LRRK1: variants seen among roughly 807,000 people sequenced by gnomAD.
LRRK1 encodes leucine rich repeat kinase 1, also known as leucine-rich repeat serine/threonine-protein kinase 1.
A neutral mutation model predicts 209.1 loss-of-function variants in LRRK1; 113 were observed. The ratio of observed to expected loss-of-function variants is 0.54; its 90% confidence interval spans 0.46 to 0.63. The LOEUF (loss-of-function observed/expected upper bound fraction) is 0.63. Ranked by LOEUF, LRRK1 falls within the 30% of genes least tolerant of loss-of-function variation. The pLI, the probability that LRRK1 is intolerant of heterozygous loss-of-function variation, is 0.00. For synonymous variants in LRRK1, 1,144 were observed against 1,099.7 expected, an observed-to-expected ratio of 1.04 and a Z score of -0.80; for missense variants, 2,284 against 2,632.2, an observed-to-expected ratio of 0.87 and a Z score of 2.89.
intron 20 of LRRK1, among the ~76,000 whole-genome samples, chr15:101,029,840 C>G (rs895446535): frequency 1.3e-5 from 2 of 152,156 alleles, no homozygotes; most frequent in Non-Finnish European, 2.9e-5. Context: ...TGCACTCCAG[C>G]CTTGGCAACA....
Position 101,066,647 on chromosome 15 carries a change from G to A in LRRK1, c.5776G>A (p.Gly1926Arg). The A allele has an allele frequency of 6.2e-7, 1 of 1,614,144 alleles. No individual in the cohort carries two copies. Among genetic ancestry groups the A allele is most frequent in the Non-Finnish European group, 8.5e-7 (1 of 1,179,958 alleles). Residue 1926 changes from glycine to arginine, a missense_variant, in exon 33 of 34, where the codon GGA becomes AGA. Gly to Arg is a moderately radical substitution (Grantham distance 125, BLOSUM62 -2). Transcript: ENST00000388948. The part of the protein sequence containing the change: ...RDLIWVPRRG[G>R]DVIVIGLEKD... The stretch of plus-strand genomic sequence containing the variant: ...TGGGTTTTGGTTGCTTAGGCGCGGT[G>A]GAGATGTTATCGTCATTGGCCTGGA...
intron 32 of LRRK1, among the ~76,000 whole-genome samples, chr15:101,066,420 T>G (rs2036534458): frequency 1.3e-5 from 2 of 152,246 alleles, no homozygotes; most frequent in South Asian, 4.1e-4. Context: ...GCCAGAGAGC[T>G]TAAGGTGCCA....
chr15:101,061,256 C>G lies in LRRK1; in HGVS notation c.4765C>G (p.Gln1589Glu). The change falls in exon 30 of 34, where the codon CAG becomes GAG. Residue 1589 changes from glutamine to glutamate, a missense_variant. Gln to Glu is a conservative substitution (Grantham distance 29, BLOSUM62 2). Coordinates refer to ENST00000388948, the MANE Select transcript of LRRK1 (RefSeq NM_024652.6). ...CPGMKVSCQL[Q>E]VQRSLWTATE... is the part of the protein sequence containing the mutation. ...TGGGATGAAGGTGAGCTGCCAGCTC[C>G]AGGTCCAGAGATCCCTGTGGACAGC... The G allele has an allele frequency of 6.2e-7, 1 of 1,614,118 alleles. No individual in the cohort carries two copies.
At chr15:101,031,978 C>T (rs773297951) in intron 20 of LRRK1, among the ~76,000 whole-genome samples, 7 of 152,216 alleles carry the variant, frequency 4.6e-5, no homozygotes, top group Non-Finnish European at 5.9e-5. Context: ...TCGTGATCCG[C>T]CTGCCTTGGC....
intron 10 of LRRK1, 70 bp downstream of exon 10, chr15:101,012,215 T>C: frequency 7.7e-7 from 1 of 1,306,888 alleles, no homozygotes; most frequent in Non-Finnish European, 1.1e-6. Flanking sequence ...TGCAGTGAAA[T>C]GTATGTGCTT....
At chr15:101,015,935 C>T (rs2033515952) in intron 12 of LRRK1, among the ~76,000 whole-genome samples, 1 of 151,928 alleles carries the variant, frequency 6.6e-6, no homozygotes, top group Non-Finnish European at 1.5e-5. Context: ...GCATCCTTCT[C>T]TCTATGTCCT....
intron 27 of LRRK1, among the ~76,000 whole-genome samples, chr15:101,056,144 A>T (rs1330626229): frequency 6.6e-6 from 1 of 152,248 alleles, no homozygotes; most frequent in Non-Finnish European, 1.5e-5. Context: ...TCTCCTGCTA[A>T]AATGTTATTT....
intron 3 of LRRK1, chr15:100,974,264 T>C (rs1251476933): frequency 3.4e-6 from 1 of 297,882 alleles, no homozygotes; most frequent in East Asian, 5.4e-5. Context: ...TACTCTATTC[T>C]TTTACGTTTT....
chr15:101,076,431 C>G lies in LRRK1; in HGVS notation c.*7583C>G, dbSNP rs2036989521. 1 of 151,950 alleles carries G rather than the reference C, an allele frequency of 6.6e-6. No individual in the cohort carries two copies. Among genetic ancestry groups the G allele is most frequent in the South Asian group, 2.1e-4 (1 of 4,832 alleles). 9.4% of individuals were successfully genotyped at this position (151,950 alleles called of 1,614,324 possible). A position where few individuals can be genotyped will look rare whatever the true frequency, so the allele number is the denominator to read the frequency against. ...ATTATTCCTGATACCACACCTGACC[C>G]CCATGACTGCATCTCTCTGATCCAC... On this transcript the variant is annotated 3_prime_UTR_variant, in exon 34 of 34. Transcript: ENST00000388948.
chr15:100,999,791 T>C (rs1422926504), intron 6 of LRRK1, among the ~76,000 whole-genome samples: 1 of 152,240 alleles, frequency 6.6e-6, no homozygotes, highest in Non-Finnish European at 1.5e-5. Flanking sequence ...GGTAAGTAAA[T>C]CTGACATTTC....
rs185384942 is a variant in LRRK1 at position 101,066,209 on chromosome 15, C to G, written c.5768+4C>G. The G allele has an allele frequency of 3.1e-6, 5 of 1,598,616 alleles. No homozygotes were observed. Among genetic ancestry groups the G allele is most frequent in the South Asian group, 2.2e-5 (2 of 89,172 alleles). On this transcript the variant is annotated splice_donor_region_variant and intron_variant, in intron 32 of 33. Coordinates refer to ENST00000388948, the MANE Select transcript of LRRK1 (RefSeq NM_024652.6). ...GAGACCTCATTTGGGTCCCCAGGTA[C>G]GTTTCCCGAGGTGAGGGCACCATCC...
At chr15:100,948,256 T>A (rs1264125393) in intron 2 of LRRK1, among the ~76,000 whole-genome samples, 1 of 152,124 alleles carries the variant, frequency 6.6e-6, no homozygotes, top group Non-Finnish European at 1.5e-5. Context: ...CGGCACCCCT[T>A]CCCTGCCTGC....
At chr15:101,042,958 G>A (rs1404766780) in intron 20 of LRRK1, among the ~76,000 whole-genome samples, 2 of 152,198 alleles carry the variant, frequency 1.3e-5, no homozygotes, top group Non-Finnish European at 2.9e-5. Flanking sequence ...GGGAGCACAC[G>A]AGGGGTGAGA....
chr15:101,067,420 A>AGTGT (rs2036593057), intron 33 of LRRK1: 4 of 346,952 alleles, frequency 1.2e-5, no homozygotes, highest in East Asian at 9.5e-5. Flanking sequence ...CCTCAGTTCA[A>AGTGT]ATGTGTGTGT....
chr15:101,053,280 G>T lies in LRRK1; in HGVS notation c.3914G>T (p.Arg1305Leu). The T allele has an allele frequency of 6.2e-7, 1 of 1,606,772 alleles. No individual in the cohort carries two copies. The change falls in exon 26 of 34, where the codon CGG (arginine) becomes CTG (leucine). Residue 1305 changes from arginine (R) to leucine (L), a missense_variant. Coordinates refer to ENST00000388948, the MANE Select transcript of LRRK1 (RefSeq NM_024652.6). The part of the protein sequence containing the change: ...TDAMKNFSEF[R>L]QEASMLHALQ... ...GCCATGAAGAACTTCTCCGAGTTCC[G>T]GCAGGAGGCCAGCATGCTGCACGCG...
intron 2 of LRRK1, among the ~76,000 whole-genome samples, chr15:100,950,834 T>G (rs558562665): frequency 1.3e-5 from 2 of 152,362 alleles, no homozygotes; most frequent in East Asian, 3.9e-4. Flanking sequence ...CCGGGCGCGG[T>G]GGCTCGCGCC....
At chr15:101,021,785 T>C (rs1318770392) in intron 13 of LRRK1, 60 bp from the exon 14 acceptor site, 313 of 39,084 alleles carry the variant, frequency 8.0e-3, no homozygotes, top group Non-Finnish European at 0.01. Context: ...CGTGTGTGTG[T>C]GTGTGTGTGT....
intron 6 of LRRK1, among the ~76,000 whole-genome samples, chr15:101,001,495 G>C (rs2032688014): frequency 6.6e-6 from 1 of 152,112 alleles, no homozygotes; most frequent in African/African-American, 2.4e-5. Flanking sequence ...TGATTTTGCA[G>C]CTTCTTTGGC....
intron 20 of LRRK1, among the ~76,000 whole-genome samples, chr15:101,037,709 A>G (rs2034549907): frequency 6.6e-6 from 1 of 152,166 alleles, no homozygotes; most frequent in Admixed American, 6.5e-5. Flanking sequence ...CCTCAGCCCC[A>G]GGGGTAGCAG....
Sources: allele counts gnomAD v4.1 joint callset (sites outside exome capture counted in the v4.1 genomes callset), GRCh38; gene constraint gnomAD v4.1.1; transcripts MANE v1.5; gene names NCBI Gene and HGNC (gene_info 2026-07-23, HGNC 2026-07-21).